FAM178B: variants seen among roughly 807,000 people sequenced by gnomAD.
FAM178B encodes family with sequence similarity 178 member B.
In FAM178B, 82 loss-of-function variants were observed where a neutral mutation model predicts 91.7. That is an observed-to-expected ratio of 0.89 (90% CI 0.75 to 1.07). FAM178B has a LOEUF of 1.07. FAM178B is among the 50% of genes least tolerant of loss of function. The pLI is 0.00. For synonymous variants in FAM178B, 368 were observed against 359.4 expected, an observed-to-expected ratio of 1.02 and a Z score of -0.27; for missense variants, 769 against 846.7, an observed-to-expected ratio of 0.91 and a Z score of 1.14.
intron 12 of FAM178B, among the ~76,000 whole-genome samples, chr2:96,920,516 C>T (rs919026809): frequency 4.6e-5 from 7 of 151,992 alleles, no homozygotes; most frequent in Admixed American, 3.3e-4. Context: ...AGGAGTATGG[C>T]GTGAACCCAG....
intron 14 of FAM178B, among the ~76,000 whole-genome samples, chr2:96,886,048 C>T (rs533684898): frequency 6.6e-6 from 1 of 152,328 alleles, no homozygotes; most frequent in Admixed American, 6.5e-5. Context: ...GGTGTTGGCA[C>T]GTCTGGCCAG....
At chr2:96,913,964 C>A (rs1031478010) in intron 12 of FAM178B, among the ~76,000 whole-genome samples, 1 of 152,198 alleles carries the variant, frequency 6.6e-6, no homozygotes, top group African/African-American at 2.4e-5. Context: ...AAGCCCACAC[C>A]CCCCGCAAAC....
At position 96,983,432 on chromosome 2, in the gene FAM178B, C is replaced by CAT. The variant is rs538411429; in HGVS notation, c.73+2807_73+2808dup. On this transcript the variant is annotated intron_variant, in intron 1 of 16. Transcript: ENST00000490605. The stretch of plus-strand genomic sequence containing the variant: ...TTCTTGAACTTCACATACATAAAAT[C>CAT]ATATATATATATTTTTGAGACATAG... Among the ~76,000 whole-genome samples, 18 of 152,070 alleles carry CAT rather than the reference C, an allele frequency of 1.2e-4. 1 individual carries two copies. In the East Asian group the frequency reaches 3.3e-3, roughly 28 times the overall value.
chr2:96,964,216 C>CAA (rs55991315), intron 5 of FAM178B, among the ~76,000 whole-genome samples: 1 of 148,954 alleles, frequency 6.7e-6, no homozygotes, highest in African/African-American at 2.5e-5. Context: ...AGAAAAACTT[C>CAA]AAAAAAAAAA....
chr2:96,902,643 G>C lies in FAM178B; in HGVS notation c.1627C>G (p.Pro543Ala). 6.4e-7 allele frequency: 1 copy of C among 1,550,872 alleles called. No individual in the cohort carries two copies. The highest frequency in any genetic ancestry group is 1.4e-5 in the African/African-American group (1 of 73,152). The change falls in exon 13 of 17, where the codon CCT becomes GCT. Residue 543 changes from proline (P) to alanine (A), a missense_variant. Physicochemically the swap from Pro to Ala is conservative, Grantham distance 27 (BLOSUM62 -1). Transcript: ENST00000490605. ...ARMLGQQEMLPLWQEKTQLSS... is the reference protein window; with the variant it reads ...ARMLGQQEMLALWQEKTQLSS... The stretch of plus-strand genomic sequence containing the variant: ...ACCTGGGTCTTCTCTTGCCAGAGAG[G>C]GAGCATCTCCTGCTGGCCCAGCATT...
intron 3 of FAM178B, 92 bp downstream of exon 3, chr2:96,971,809 T>C (rs1049385266): frequency 9.9e-6 from 12 of 1,211,622 alleles, no homozygotes; most frequent in Non-Finnish European, 1.3e-5. Context: ...AGCTGGGGCG[T>C]GGCTCAGGAG....
At chr2:96,974,819 G>A (rs184890444) in intron 1 of FAM178B, among the ~76,000 whole-genome samples, 2 of 152,258 alleles carry the variant, frequency 1.3e-5, no homozygotes, top group East Asian at 3.9e-4. Flanking sequence ...GCCAGGAGCA[G>A]TGGCTCACAC....
At chr2:96,984,976 AC>A (rs1192809532) in intron 1 of FAM178B, among the ~76,000 whole-genome samples, 1 of 152,160 alleles carries the variant, frequency 6.6e-6, no homozygotes, top group Admixed American at 6.6e-5. Flanking sequence ...ACTAAGACCG[AC>A]AAAAAGCTGC....
intron 6 of FAM178B, chr2:96,956,586 T>C (rs1386238189): frequency 1.3e-5 from 2 of 152,232 alleles, no homozygotes; most frequent in Non-Finnish European, 2.9e-5. Context: ...TTTCAAGAGT[T>C]GATTTTTTAA....
At chr2:96,900,896 G>T (rs536740071) in intron 13 of FAM178B, among the ~76,000 whole-genome samples, 1 of 152,312 alleles carries the variant, frequency 6.6e-6, no homozygotes, top group Admixed American at 6.5e-5. Context: ...TGGGCAAGGG[G>T]TTATGCTGCC....
chr2:96,936,461 A>G (rs1248799626), intron 8 of FAM178B, among the ~76,000 whole-genome samples: 3 of 148,936 alleles, frequency 2.0e-5, no homozygotes, highest in Admixed American at 6.7e-5. Flanking sequence ...TTGGCCTCCC[A>G]AAGTGCTGGA....
chr2:96,949,431 A>G (rs1346153805), intron 7 of FAM178B, among the ~76,000 whole-genome samples: 1 of 152,126 alleles, frequency 6.6e-6, no homozygotes, highest in Admixed American at 6.5e-5. Flanking sequence ...ATTTGGGAAA[A>G]GGGTCTGGCC....
chr2:96,951,688 C>T, intron 6 of FAM178B: 1 of 550,820 alleles, frequency 1.8e-6, no homozygotes, highest in Non-Finnish European at 3.3e-6. Flanking sequence ...ATCACCTGCT[C>T]TTCTTGAATG....
In FAM178B at chr2:96,895,467, G is replaced by A. The variant is rs537910000; in HGVS notation, c.1651-1416C>T. Among the ~76,000 whole-genome samples, 13 of 152,316 alleles carry A rather than the reference G, an allele frequency of 8.5e-5. No individual in the cohort carries two copies. The South Asian group carries it at 2.1e-3, about 24-fold the overall frequency. On this transcript the variant is annotated intron_variant, in intron 13 of 16. Coordinates refer to ENST00000490605, the MANE Select transcript of FAM178B (RefSeq NM_001122646.3). ...CCAACCTCTCTGAACCCCTCTGGAG[G>A]GAATGTGACCTGCGTAAGTCCAGGT...
chr2:96,926,695 G>A (rs1396339826), intron 9 of FAM178B, among the ~76,000 whole-genome samples: 2 of 152,210 alleles, frequency 1.3e-5, no homozygotes, highest in Non-Finnish European at 2.9e-5. Context: ...CAGGAGATCT[G>A]CATGGCCCAG....
intron 8 of FAM178B, among the ~76,000 whole-genome samples, chr2:96,944,062 G>C (rs1269613828): frequency 6.6e-6 from 1 of 152,064 alleles, no homozygotes; most frequent in Non-Finnish European, 1.5e-5. Flanking sequence ...GGCCAACATG[G>C]TGAAACCCTG....
At chr2:96,928,947 C>T (rs934559513) in intron 9 of FAM178B, among the ~76,000 whole-genome samples, 1 of 151,598 alleles carries the variant, frequency 6.6e-6, no homozygotes, top group African/African-American at 2.4e-5. Flanking sequence ...CCTAAGAGTT[C>T]AAGACTAGCC....
intron 4 of FAM178B, among the ~76,000 whole-genome samples, chr2:96,967,864 T>C (rs1027656800): frequency 6.9e-6 from 1 of 145,664 alleles, no homozygotes; most frequent in Non-Finnish European, 1.5e-5. Flanking sequence ...AAGATGGTTC[T>C]CACCACACAA....
chr2:96,967,548 C>T lies in FAM178B; in HGVS notation c.706G>A (p.Glu236Lys). The T allele has an allele frequency of 6.4e-7, 1 of 1,550,484 alleles. No homozygotes were observed. Residue 236 changes from glutamate (E) to lysine (K), a missense_variant, in exon 5 of 17, where the codon GAG becomes AAG. Physicochemically the swap from Glu to Lys is moderately conservative, Grantham distance 56 (BLOSUM62 1). Transcript: ENST00000490605. The stretch of plus-strand genomic sequence containing the variant: ...TGCTCGGGTGTGAGTGGCACTTCCT[C>T]TTCATCAAGATCCAAGGAGTTGAGA... The part of the protein sequence containing the change: ...LNLNSLDLDE[E>K]EVPLTPEHRM...
Sources: gnomAD v4.1 joint callset for allele counts (sites outside exome capture counted in the v4.1 genomes callset) on GRCh38, gnomAD v4.1.1 for gene constraint, MANE v1.5 for transcripts, NCBI Gene and HGNC (gene_info 2026-07-23, HGNC 2026-07-21) for gene names.